Variants in FHIT observed in about 807,000 individuals in gnomAD.
FHIT encodes the protein fragile histidine triad diadenosine triphosphatase.
In FHIT, 19 loss-of-function variants were observed where a neutral mutation model predicts 17.9. That is an observed-to-expected ratio of 1.06 (90% confidence interval 0.74 to 1.56). FHIT has a LOEUF of 1.56. FHIT is among the 40% of genes most tolerant of loss of function. The probability of loss-of-function intolerance (pLI) is 0.00; values close to 1 mark genes in which losing one functional copy is unlikely to be tolerated. For missense variants in FHIT, 248 were observed against 189.2 expected, an observed-to-expected ratio of 1.31 and a Z score of -1.82; for synonymous variants, 81 against 69.7, an observed-to-expected ratio of 1.16 and a Z score of -0.81.
At chr3:60,406,087 T>A (rs970590455) in intron 5 of FHIT, among the ~76,000 whole-genome samples, 1 of 152,204 alleles carries the variant, frequency 6.6e-6, no homozygotes, top group Non-Finnish European at 1.5e-5. Context: ...GCACATAATA[T>A]GGAGGTATCA....
chr3:60,882,183 A>G (rs1218975232), intron 3 of FHIT, among the ~76,000 whole-genome samples: 1 of 152,126 alleles, frequency 6.6e-6, no homozygotes, highest in African/African-American at 2.4e-5. Context: ...CCTAGAAGAA[A>G]TAGAAAACCT....
intron 5 of FHIT, among the ~76,000 whole-genome samples, chr3:60,147,842 C>T (rs1454178167): frequency 1.3e-5 from 2 of 152,136 alleles, no homozygotes; most frequent in Non-Finnish European, 2.9e-5. Flanking sequence ...CTCGGGGAAA[C>T]AAGTCTAGGC....
chr3:60,575,030 T>C (rs924518391), intron 4 of FHIT, among the ~76,000 whole-genome samples: 5 of 151,996 alleles, frequency 3.3e-5, no homozygotes, highest in African/African-American at 9.7e-5. Context: ...TAGGCAAAAG[T>C]GGAGTAAAGA....
At position 60,710,269 on chromosome 3, in the gene FHIT, A is replaced by T. The variant is rs1577098147; in HGVS notation, c.-18+111650T>A. On this transcript the variant is annotated intron_variant, in intron 4 of 9. Coordinates refer to ENST00000492590, the MANE Select transcript of FHIT (RefSeq NM_002012.4). The stretch of plus-strand genomic sequence containing the variant: ...TTCATGCTATGGTGCCAGTAGTTTT[A>T]AAAAACATTACATTTGGAGGAGCCA... Among the ~76,000 whole-genome samples the T allele has an allele frequency of 3.9e-5, 6 of 152,274 alleles. 1 individual carries two copies. The South Asian group carries it at 1.2e-3, about 32-fold the overall frequency.
chr3:60,342,890 C>G (rs772991459), intron 5 of FHIT, among the ~76,000 whole-genome samples: 11 of 152,096 alleles, frequency 7.2e-5, no homozygotes, highest in Non-Finnish European at 1.5e-4. Context: ...CCAACCTTCC[C>G]AAGGAATTTG....
intron 5 of FHIT, among the ~76,000 whole-genome samples, chr3:60,223,420 C>T (rs1704051113): frequency 1.3e-5 from 2 of 152,172 alleles, no homozygotes; most frequent in African/African-American, 4.8e-5. Context: ...ATCTTTGCAA[C>T]ACGTAAGCGA....
At chr3:60,238,429 T>A (rs1576353104) in intron 5 of FHIT, among the ~76,000 whole-genome samples, 1 of 95,294 alleles carries the variant, frequency 1.0e-5, no homozygotes, top group African/African-American at 3.9e-5. Context: ...TTTATACCAC[T>A]CAACTAGCTG....
chr3:61,012,704 A>G (rs2031862285), intron 3 of FHIT, among the ~76,000 whole-genome samples: 1 of 151,424 alleles, frequency 6.6e-6, no homozygotes, highest in Non-Finnish European at 1.5e-5. Flanking sequence ...GTTAATATAT[A>G]AAAAATATAA....
At chr3:60,703,016 T>C (rs1335893171) in intron 4 of FHIT, among the ~76,000 whole-genome samples, 2 of 152,222 alleles carry the variant, frequency 1.3e-5, no homozygotes, top group Admixed American at 6.5e-5. Context: ...TGACTTTATT[T>C]TGAAACTGGG....
intron 3 of FHIT, among the ~76,000 whole-genome samples, chr3:60,927,952 G>A (rs544911708): frequency 5.7e-4 from 87 of 152,344 alleles, no homozygotes; most frequent in African/African-American, 1.9e-3. Context: ...ACTCCATTTC[G>A]TTTTGTACTA....
At chr3:60,840,947 T>C (rs1181695087) in intron 3 of FHIT, among the ~76,000 whole-genome samples, 1 of 152,236 alleles carries the variant, frequency 6.6e-6, no homozygotes, top group African/African-American at 2.4e-5. Context: ...CATCTTATCA[T>C]GTACATTTTG....
intron 1 of FHIT, among the ~76,000 whole-genome samples, chr3:61,217,602 T>C (rs2039721975): frequency 6.6e-6 from 1 of 151,980 alleles, no homozygotes. Flanking sequence ...CCACCCAGAC[T>C]AAAAGAAAGA....
chr3:61,039,813 C>T (rs576424932), intron 3 of FHIT, among the ~76,000 whole-genome samples: 9 of 152,260 alleles, frequency 5.9e-5, no homozygotes, highest in African/African-American at 2.2e-4. Flanking sequence ...AACAAACCTG[C>T]ACATTCTGCA....
intron 7 of FHIT, among the ~76,000 whole-genome samples, chr3:59,969,019 G>T (rs952625038): frequency 3.3e-5 from 5 of 152,076 alleles, no homozygotes; most frequent in Non-Finnish European, 5.9e-5. Flanking sequence ...CATATTTTGG[G>T]AAATATACAA....
intron 4 of FHIT, among the ~76,000 whole-genome samples, chr3:60,633,363 AAAT>A (rs1296098050): frequency 2.0e-5 from 3 of 151,418 alleles, no homozygotes; most frequent in Admixed American, 1.3e-4. Flanking sequence ...AAGCTAAATC[AAAT>A]AATATGTGTA....
chr3:60,984,921 T>C (rs1035475041), intron 3 of FHIT, among the ~76,000 whole-genome samples: 5 of 152,032 alleles, frequency 3.3e-5, no homozygotes, highest in Non-Finnish European at 7.4e-5. Context: ...AATTTACGTA[T>C]AGAGAATCCC....
intron 2 of FHIT, among the ~76,000 whole-genome samples, chr3:61,074,575 A>G (rs1459898577): frequency 2.0e-5 from 3 of 152,178 alleles, no homozygotes; most frequent in Admixed American, 6.6e-5. Context: ...CTCCTACAAG[A>G]TAACAAATGG....
intron 3 of FHIT, among the ~76,000 whole-genome samples, chr3:60,823,381 A>G (rs1701997692): frequency 6.6e-6 from 1 of 152,136 alleles, no homozygotes; most frequent in Admixed American, 6.5e-5. Context: ...TGGTAATAGG[A>G]TTGATACAGA....
intron 1 of FHIT, among the ~76,000 whole-genome samples, chr3:61,243,123 G>A (rs1125285): frequency 0.22 from 33,131 of 152,138 alleles, 4,600 homozygotes; most frequent in East Asian, 0.69. Flanking sequence ...AGGACAGCTT[G>A]GAGGTTAGAG....
Sources: allele counts gnomAD v4.1 joint callset (sites outside exome capture counted in the v4.1 genomes callset), GRCh38; gene constraint gnomAD v4.1.1; transcripts MANE v1.5; gene names NCBI Gene and HGNC (gene_info 2026-07-23, HGNC 2026-07-21).